Variants in TCF12 observed in about 807,000 individuals in gnomAD.
TCF12 encodes DNA-binding protein HTF4.
TCF12 carries 45 observed loss-of-function variants against 86.0 expected under a neutral mutation model. The ratio of observed to expected loss-of-function variants is 0.52; its 90% CI spans 0.41 to 0.67. The LOEUF (loss-of-function observed/expected upper bound fraction) is 0.67, where lower values mean the gene tolerates loss of function less well. TCF12 is among the 30% of genes least tolerant of loss of function. The pLI is 0.00. For synonymous variants in TCF12, 330 were observed against 299.6 expected (o/e 1.10, Z -1.05); for missense variants, 881 against 859.9 (o/e 1.02, Z -0.31).
chr15:57,128,114 C>T (rs1472360977), intron 5 of TCF12, among the ~76,000 whole-genome samples: 1 of 152,118 alleles, frequency 6.6e-6, no homozygotes, highest in African/African-American at 2.4e-5. Flanking sequence ...TGGCTGTCTT[C>T]AGTATATTTT....
At chr15:56,992,835 G>A (rs777981461) in intron 3 of TCF12, among the ~76,000 whole-genome samples, 13 of 152,118 alleles carry the variant, frequency 8.5e-5, no homozygotes, top group South Asian at 4.1e-4. Flanking sequence ...TTAAATTACC[G>A]ATTATCTTTT....
At chr15:57,231,995 C>G (rs1291283878) in intron 9 of TCF12, among the ~76,000 whole-genome samples, 1 of 152,122 alleles carries the variant, frequency 6.6e-6, no homozygotes, top group African/African-American at 2.4e-5. Context: ...TAAATCTAGC[C>G]TATTCCCAAA....
chr15:57,064,626 C>G (rs1205429753), intron 4 of TCF12, among the ~76,000 whole-genome samples: 1 of 151,820 alleles, frequency 6.6e-6, no homozygotes, highest in Non-Finnish European at 1.5e-5. Flanking sequence ...GAAACCCCAT[C>G]TCTACTAAAA....
intron 6 of TCF12, among the ~76,000 whole-genome samples, chr15:57,188,192 A>G (rs1410850207): frequency 7.9e-5 from 12 of 152,162 alleles, no homozygotes; most frequent in Admixed American, 4.6e-4. Context: ...AAAGGAATCA[A>G]ATACCTAAGA....
chr15:57,089,544 C>T (rs1473481474), intron 4 of TCF12, among the ~76,000 whole-genome samples: 1 of 149,502 alleles, frequency 6.7e-6, no homozygotes, highest in Non-Finnish European at 1.5e-5. Flanking sequence ...AAATACATTT[C>T]AAACTTAGAT....
At chr15:57,170,650 TATTATATAA>T (rs1471579140) in intron 6 of TCF12, among the ~76,000 whole-genome samples, 12 of 45,492 alleles carry the variant, frequency 2.6e-4, no homozygotes, top group South Asian at 1.0e-3. Context: ...ATAATATATA[TATTATATAA>T]AATATATATA....
chr15:57,240,703 G>A (rs528154892), intron 12 of TCF12, among the ~76,000 whole-genome samples: 50 of 151,790 alleles, frequency 3.3e-4, no homozygotes, highest in Non-Finnish European at 6.0e-4. Flanking sequence ...GCAACATAGC[G>A]GAACCCCATC....
chr15:56,966,373 C>CTT (rs2062004263), intron 3 of TCF12, among the ~76,000 whole-genome samples: 2 of 152,150 alleles, frequency 1.3e-5, no homozygotes, highest in East Asian at 3.8e-4. Flanking sequence ...ACCGCAGTTA[C>CTT]TTTTGCACCA....
intron 5 of TCF12, among the ~76,000 whole-genome samples, chr15:57,112,044 T>C (rs1239980945): frequency 1.3e-5 from 2 of 152,136 alleles, no homozygotes; most frequent in South Asian, 2.1e-4. Flanking sequence ...ATTTCTGGAG[T>C]GTAGTTTATA....
At position 57,064,795 on chromosome 15, in the gene TCF12, CAAAA is replaced by C. The variant is rs1177544594; in HGVS notation, c.222+987_222+990del. Among the ~76,000 whole-genome samples, 242 of 78,074 alleles carry C rather than the reference CAAAA, an allele frequency of 3.1e-3. 4 individuals are homozygous for C. The highest frequency in any genetic ancestry group is 0.016 in the African/African-American group (223 of 13,718). The allele number at this position is 78,074 out of a possible 152,430, so 51.2% of individuals were successfully genotyped here. ...TGGGCCACAGAGTGAGACTCCATCT[CAAAA>C]AAAAAAAAAAAAAAGAGAGAGAGAG... On this transcript the variant is annotated intron_variant, in intron 4 of 20. Coordinates refer to ENST00000333725, the MANE Select transcript of TCF12 (RefSeq NM_207037.2).
intron 8 of TCF12, among the ~76,000 whole-genome samples, chr15:57,205,918 G>T (rs534866646): frequency 5.6e-4 from 85 of 152,252 alleles, no homozygotes; most frequent in Middle Eastern, 6.8e-3. Context: ...TACTGATATG[G>T]CTGTATACAG....
intron 5 of TCF12, among the ~76,000 whole-genome samples, chr15:57,098,143 C>T (rs1399795831): frequency 6.6e-5 from 10 of 151,920 alleles, no homozygotes; most frequent in African/African-American, 2.4e-4. Context: ...CCAGATTGCG[C>T]CACTGCACTC....
At chr15:57,214,303 C>T (rs1254997825) in intron 8 of TCF12, 1 of 152,140 alleles carries the variant, frequency 6.6e-6, no homozygotes, top group Non-Finnish European at 1.5e-5. Flanking sequence ...CTTTTAGAAG[C>T]TTTGTATGAT....
chr15:56,978,753 G>T (rs948926931), intron 3 of TCF12, among the ~76,000 whole-genome samples: 1 of 152,090 alleles, frequency 6.6e-6, no homozygotes, highest in Non-Finnish European at 1.5e-5. Context: ...GCTCTTTAGT[G>T]GGGCCTACTA....
At chr15:57,009,598 G>A (rs1165179237) in intron 3 of TCF12, among the ~76,000 whole-genome samples, 1 of 152,162 alleles carries the variant, frequency 6.6e-6, no homozygotes, top group Non-Finnish European at 1.5e-5. Context: ...TTTACTGTTT[G>A]TATGTGGTGT....
intron 3 of TCF12, among the ~76,000 whole-genome samples, chr15:56,958,970 G>T (rs745614709): frequency 6.6e-6 from 1 of 152,118 alleles, no homozygotes; most frequent in Non-Finnish European, 1.5e-5. Flanking sequence ...CAACCTCAGT[G>T]CCCTTTATAT....
chr15:57,275,008 CAT>C (rs2061314292), intron 19 of TCF12, among the ~76,000 whole-genome samples: 1 of 152,082 alleles, frequency 6.6e-6, no homozygotes, highest in African/African-American at 2.4e-5. Flanking sequence ...TCATTTGTAA[CAT>C]TGGAATTTCC....
chr15:56,959,868 C>T (rs1160483979), intron 3 of TCF12, among the ~76,000 whole-genome samples: 1 of 152,104 alleles, frequency 6.6e-6, no homozygotes, highest in Non-Finnish European at 1.5e-5. Flanking sequence ...TAGAAGTTCA[C>T]AGGCATCTGT....
intron 8 of TCF12, among the ~76,000 whole-genome samples, chr15:57,219,863 T>C (rs941802395): frequency 2.6e-5 from 4 of 151,776 alleles, no homozygotes; most frequent in Admixed American, 6.6e-5. Context: ...GTAGCTGGGA[T>C]TACAGGCACC....
Sources: allele counts gnomAD v4.1 joint callset (sites outside exome capture counted in the v4.1 genomes callset), GRCh38; gene constraint gnomAD v4.1.1; transcripts MANE v1.5; gene names NCBI Gene and HGNC (gene_info 2026-07-23, HGNC 2026-07-21).